Variants in ATXN3 observed in about 807,000 individuals in gnomAD.
ATXN3 encodes ataxin 3, also known as ataxin-3.
In ATXN3, 28 loss-of-function variants were observed where a neutral mutation model predicts 58.2. The ratio of observed to expected loss-of-function variants is 0.48; its 90% CI spans 0.36 to 0.66. The LOEUF (loss-of-function observed/expected upper bound fraction) is 0.66. ATXN3 is among the 30% of genes least tolerant of loss of function. ATXN3 has a pLI of 0.00. For synonymous variants in ATXN3, 113 were observed against 138.5 expected, an observed-to-expected ratio of 0.82 and a Z score of 1.29; for missense variants, 321 against 422.1, an observed-to-expected ratio of 0.76 and a Z score of 2.10.
chr14:92,088,231 G>A (rs2063030648), intron 6 of ATXN3, among the ~76,000 whole-genome samples: 3 of 152,008 alleles, frequency 2.0e-5, no homozygotes, highest in African/African-American at 4.8e-5. Context: ...ACCACACCCC[G>A]GCTAATTTTT....
intron 1 of ATXN3, among the ~76,000 whole-genome samples, chr14:92,103,909 GA>G (rs1335439095): frequency 6.6e-6 from 1 of 152,178 alleles, no homozygotes; most frequent in Non-Finnish European, 1.5e-5. Flanking sequence ...TTGCAGAGGG[GA>G]AGGCAGTGAA....
intron 6 of ATXN3, among the ~76,000 whole-genome samples, 186 bp downstream of exon 6, chr14:92,088,544 G>C (rs1479092373): frequency 6.6e-6 from 1 of 152,140 alleles, no homozygotes; most frequent in Non-Finnish European, 1.5e-5. Context: ...GAAGAGGAAG[G>C]GCCAGGTGTC....
rs541987773 is a variant in ATXN3 at position 92,063,074 on chromosome 14, A to G, written c.*1246T>C. The G allele has an allele frequency of 4.6e-4, 71 of 152,798 alleles. No individual in the cohort carries two copies. The highest frequency in any genetic ancestry group is 1.6e-3 in the African/African-American group (68 of 41,594). 9.5% of individuals were successfully genotyped at this position (152,798 alleles called of 1,614,324 possible). On this transcript the variant is annotated 3_prime_UTR_variant, in exon 11 of 11. Coordinates refer to ENST00000644486, the MANE Select transcript of ATXN3 (RefSeq NM_004993.6). ...AAGAAACTCTCTGTACATCTCAATT[A>G]AAGAGAATATTTATCAAAACTATGG... is the stretch of plus-strand genomic sequence containing the variant.
chr14:92,069,439 T>C (rs951958525), intron 10 of ATXN3, among the ~76,000 whole-genome samples: 1 of 142,994 alleles, frequency 7.0e-6, no homozygotes, highest in African/African-American at 2.6e-5. Context: ...AGTGGCACGA[T>C]CTCGGCTCAC....
intron 1 of ATXN3, among the ~76,000 whole-genome samples, chr14:92,097,231 A>ATT (rs757477224): frequency 0.17 from 23,820 of 138,796 alleles, 2,036 homozygotes; most frequent in Middle Eastern, 0.2. Flanking sequence ...TTAATCATTA[A>ATT]TTTTTTTTTT....
At chr14:92,081,473 AAAAAAAAAAAAAAGAAAG>A (rs2061461928) in intron 8 of ATXN3, among the ~76,000 whole-genome samples, 2 of 78,288 alleles carry the variant, frequency 2.6e-5, no homozygotes, top group African/African-American at 6.3e-5. Flanking sequence ...CTCAAAAAAA[AAAAAAAAAAAAAAGAAAG>A]AAAAAAAAAA....
chr14:92,101,025 C>G (rs1007240677), intron 1 of ATXN3, among the ~76,000 whole-genome samples: 1 of 139,672 alleles, frequency 7.2e-6, no homozygotes, highest in Non-Finnish European at 1.6e-5. Context: ...AAAATTCTCT[C>G]TATAAAAAAT....
At chr14:92,086,538 C>T (rs1312027124) in intron 6 of ATXN3, among the ~76,000 whole-genome samples, 1 of 137,058 alleles carries the variant, frequency 7.3e-6, no homozygotes, top group Non-Finnish European at 1.5e-5. Context: ...GCACTCCAGC[C>T]GGAGCAACAA....
chr14:92,089,814 A>G (rs1040350258), intron 5 of ATXN3, among the ~76,000 whole-genome samples: 1 of 152,330 alleles, frequency 6.6e-6, no homozygotes, highest in East Asian at 1.9e-4. Flanking sequence ...CACTGATGGG[A>G]GGAAAAATGA....
At chr14:92,092,131 C>T (rs768777946) in intron 5 of ATXN3, among the ~76,000 whole-genome samples, 8 of 152,100 alleles carry the variant, frequency 5.3e-5, no homozygotes, top group East Asian at 1.9e-4. Flanking sequence ...ATAGCCTTCT[C>T]GTCCCCAGGC....
rs2057955120 is a variant in ATXN3 at position 92,063,867 on chromosome 14, TAGAG to T, written c.*449_*452del. Reference sequence around the variant, plus strand: ...ATTACTATTATCAACATCAGGAAAGTAGAGATACTTTCCTGAAAGGTTAATTTGG... The same window carrying T: ...ATTACTATTATCAACATCAGGAAAGTATACTTTCCTGAAAGGTTAATTTGG... On this transcript the variant is annotated 3_prime_UTR_variant, in exon 11 of 11. Coordinates refer to ENST00000644486, the MANE Select transcript of ATXN3 (RefSeq NM_004993.6). 6.5e-6 allele frequency: 1 copy of T among 154,908 alleles called. No homozygotes were observed. Among genetic ancestry groups the T allele is most frequent in the Non-Finnish European group, 1.4e-5 (1 of 70,122 alleles). 9.6% of individuals were successfully genotyped at this position (154,908 alleles called of 1,614,324 possible).
At chr14:92,099,438 C>A (rs1485806744) in intron 1 of ATXN3, among the ~76,000 whole-genome samples, 3 of 152,222 alleles carry the variant, frequency 2.0e-5, no homozygotes, top group Admixed American at 1.3e-4. Flanking sequence ...ACACTATCCC[C>A]CAAGTCTTCT....
At chr14:92,098,374 G>C (rs952263150) in intron 1 of ATXN3, among the ~76,000 whole-genome samples, 2 of 152,146 alleles carry the variant, frequency 1.3e-5, no homozygotes, top group African/African-American at 2.4e-5. Flanking sequence ...GACTGCTTGA[G>C]GCTGGGAGTT....
intron 10 of ATXN3, among the ~76,000 whole-genome samples, chr14:92,067,436 G>A (rs2058642594): frequency 6.6e-6 from 1 of 152,162 alleles, no homozygotes; most frequent in South Asian, 2.1e-4. Flanking sequence ...TTGCTCTGTT[G>A]CCCAGGCTGC....
At chr14:92,103,964 G>A (rs2067487840) in intron 1 of ATXN3, among the ~76,000 whole-genome samples, 1 of 152,156 alleles carries the variant, frequency 6.6e-6, no homozygotes, top group Non-Finnish European at 1.5e-5. Context: ...AGAATGGACT[G>A]TATAGGAGAT....
chr14:92,106,493 G>C (rs750579021), intron 1 of ATXN3, 36 bp downstream of exon 1: 2 of 1,612,074 alleles, frequency 1.2e-6, no homozygotes, highest in Non-Finnish European at 1.7e-6. Context: ...CCGCCACCGC[G>C]CGGCAGACAG....
chr14:92,085,531 A>G (rs915178982), intron 6 of ATXN3, among the ~76,000 whole-genome samples: 2 of 152,130 alleles, frequency 1.3e-5, no homozygotes, highest in Non-Finnish European at 2.9e-5. Flanking sequence ...GAAGCCACTG[A>G]AGGACAAAGA....
At position 92,096,944 on chromosome 14, in the gene ATXN3, T is replaced by G. The variant is rs757666810; in HGVS notation, c.25-106A>C. 2.2e-5 allele frequency: 22 copies of G among 1,002,364 alleles called. No individual in the cohort carries two copies. The East Asian group carries it at 4.3e-4, about 20-fold the overall frequency. The allele number at this position is 1,002,364 out of a possible 1,614,324, so 62.1% of individuals were successfully genotyped here. ...TTTTTTTGAGACGGAGTCTCACTCTTTCACCCAGGCCGGAGTGCAGTGGCG... is the reference window on the plus strand; with the variant it reads ...TTTTTTTGAGACGGAGTCTCACTCTGTCACCCAGGCCGGAGTGCAGTGGCG... On this transcript the variant is annotated intron_variant, in intron 1 of 10. Transcript: ENST00000644486.
intron 5 of ATXN3, among the ~76,000 whole-genome samples, chr14:92,089,330 CTCTTTTTTT>C (rs1566961232): frequency 5.4e-5 from 7 of 129,590 alleles, no homozygotes; most frequent in Non-Finnish European, 6.5e-5. Context: ...CTGCTAAATA[CTCTTTTTTT>C]TTTTTTTTTT....
Sources: gnomAD v4.1 joint callset for allele counts (sites outside exome capture counted in the v4.1 genomes callset) on GRCh38, gnomAD v4.1.1 for gene constraint, MANE v1.5 for transcripts, NCBI Gene and HGNC (gene_info 2026-07-23, HGNC 2026-07-21) for gene names.